The following VWF variants were observed in gnomAD, a reference collection of about 807,000 sequenced individuals.
The protein encoded by VWF is von Willebrand factor.
VWF carries 176 observed loss-of-function variants against 308.6 expected under a neutral mutation model. The observed-to-expected ratio is 0.57, with a 90% CI of 0.50 to 0.65. The LOEUF is 0.65. Ranked by LOEUF, VWF falls within the 30% of genes least tolerant of loss-of-function variation. VWF has a pLI of 0.00. For missense variants in VWF, 3,146 were observed against 3,648.2 expected (o/e 0.86, Z 3.55); for synonymous variants, 1,385 against 1,443.4 (o/e 0.96, Z 0.92).
chr12:6,061,131 G>A lies in VWF; in HGVS notation c.1533+1823C>T, dbSNP rs1223989412. On this transcript the variant is annotated intron_variant, in intron 13 of 51. Coordinates refer to ENST00000261405, the MANE Select transcript of VWF (RefSeq NM_000552.5). ...CAGGAGAATCGCTTCAGCCTGGAAGGCGGAGGTTGTGGTGAGCCAAGATCG... is the reference window on the plus strand; with the variant it reads ...CAGGAGAATCGCTTCAGCCTGGAAGACGGAGGTTGTGGTGAGCCAAGATCG... Among the ~76,000 whole-genome samples the A allele has an allele frequency of 3.9e-5, 6 of 152,278 alleles. No homozygotes were observed. The East Asian group carries it at 7.7e-4, about 20-fold the overall frequency.
intron 47 of VWF, among the ~76,000 whole-genome samples, chr12:5,964,208 C>T (rs1167393399): frequency 3.4e-5 from 4 of 116,562 alleles, no homozygotes; most frequent in African/African-American, 1.6e-4. Context: ...CAGAGAGAGA[C>T]TCTGTCTAAA....
At chr12:6,034,878 G>T (rs765410707) in intron 19 of VWF, 52 bp from the exon 20 acceptor site, 33 of 1,606,590 alleles carry the variant, frequency 2.1e-5, no homozygotes, top group African/African-American at 1.3e-5. Flanking sequence ...GGTTTGAGGG[G>T]CCCATCTGGG....
At chr12:6,012,986 C>T (rs1944016061) in intron 32 of VWF, among the ~76,000 whole-genome samples, 1 of 152,144 alleles carries the variant, frequency 6.6e-6, no homozygotes. Flanking sequence ...CAGACGTGAG[C>T]CACTGCACCT....
At chr12:5,967,652 C>G (rs563511658) in intron 46 of VWF, 50 bp from the exon 47 acceptor site, 17 of 1,508,066 alleles carry the variant, frequency 1.1e-5, no homozygotes, top group Middle Eastern at 1.9e-4. Flanking sequence ...CCCAACCCCC[C>G]ACTCACCTCA....
intron 6 of VWF, 104 bp downstream of exon 6, chr12:6,095,356 G>A: frequency 1.3e-6 from 2 of 1,575,100 alleles, no homozygotes; most frequent in Non-Finnish European, 1.7e-6. Context: ...CCCTGCGTAA[G>A]TCCATTCCTC....
chr12:6,039,664 T>C (rs1485003975), intron 18 of VWF, among the ~76,000 whole-genome samples: 2 of 152,216 alleles, frequency 1.3e-5, no homozygotes, highest in African/African-American at 4.8e-5. Context: ...TGACAAATCA[T>C]GGACCATGTA....
chr12:5,981,811 G>T lies in VWF; in HGVS notation c.7262C>A (p.Thr2421Asn). 3.1e-6 allele frequency: 5 copies of T among 1,614,134 alleles called. No individual in the cohort carries two copies. Among genetic ancestry groups the T allele is most frequent in the Non-Finnish European group, 4.2e-6 (5 of 1,180,022 alleles). Residue 2421 changes from threonine (T) to asparagine (N), a missense_variant, in exon 42 of 52, where the codon ACC (threonine) becomes AAC (asparagine). Around this residue, in one of 3 missense-constraint regions of VWF, gnomAD observed 989 missense variants for 1,117.4 expected, o/e 0.89. Coordinates refer to ENST00000261405, the MANE Select transcript of VWF (RefSeq NM_000552.5). ...CTTGTCGGGAAGGCAGGTGGTTGTG[G>T]TACAGCCACAGTCATTGGTGGCAGT... ...ASTATNDCGCTTTTCLPDKVC... is the reference protein window; with the variant it reads ...ASTATNDCGCNTTTCLPDKVC...
At chr12:5,986,268 T>C (rs1308877135) in intron 38 of VWF, among the ~76,000 whole-genome samples, 1 of 152,166 alleles carries the variant, frequency 6.6e-6, no homozygotes, top group African/African-American at 2.4e-5. Context: ...CATTCCGCTG[T>C]GCCTCAGTTT....
chr12:6,080,883 C>T (rs1483175975), intron 6 of VWF, among the ~76,000 whole-genome samples: 1 of 152,184 alleles, frequency 6.6e-6, no homozygotes, highest in African/African-American at 2.4e-5. Context: ...TAGGTTATGC[C>T]CTCCATGGCT....
At chr12:5,964,429 C>T (rs904420874) in intron 47 of VWF, among the ~76,000 whole-genome samples, 3 of 152,180 alleles carry the variant, frequency 2.0e-5, no homozygotes, top group African/African-American at 4.8e-5. Flanking sequence ...ACAGAAAGAA[C>T]GTAATCACAT....
At position 5,952,521 on chromosome 12, in the gene VWF, T is replaced by G; in HGVS notation, c.7987-2A>C. ...GCCATCCTGGAGCGTCTCATCACGC[T>G]GGAAGGAAAGAGGAGTGGGTAAAGT... On this transcript the variant is annotated splice_acceptor_variant, in intron 48 of 51. Transcript: ENST00000261405. LOFTEE classifies it high-confidence loss of function. 1.2e-6 allele frequency: 2 copies of G among 1,613,600 alleles called. No individual in the cohort carries two copies. Among genetic ancestry groups the G allele is most frequent in the Non-Finnish European group, 1.7e-6 (2 of 1,179,686 alleles).
intron 35 of VWF, 62 bp from the exon 36 acceptor site, chr12:5,994,669 G>A: frequency 2.6e-6 from 4 of 1,523,510 alleles, no homozygotes; most frequent in Admixed American, 1.7e-5. Flanking sequence ...GGTTTTTAGG[G>A]AAGTTACCGA....
chr12:6,012,169 C>G, intron 32 of VWF, 39 bp from the exon 33 acceptor site: 1 of 1,612,144 alleles, frequency 6.2e-7, no homozygotes, highest in Non-Finnish European at 8.5e-7. Context: ...TCCCATCTTT[C>G]ACCCAGAAAT....
chr12:6,103,138 C>A (rs1372210231), intron 5 of VWF, among the ~76,000 whole-genome samples: 1 of 152,010 alleles, frequency 6.6e-6, no homozygotes, highest in Non-Finnish European at 1.5e-5. Context: ...CCATCCCTGG[C>A]TAACACGGTG....
At chr12:6,000,801 G>A (rs1255913334) in intron 34 of VWF, among the ~76,000 whole-genome samples, 2 of 103,430 alleles carry the variant, frequency 1.9e-5, no homozygotes, top group Non-Finnish European at 3.5e-5. Flanking sequence ...CACAGAGCGA[G>A]ACTCTGTCTC....
At chr12:5,992,091 A>G (rs1943752034) in intron 37 of VWF, 73 bp from the exon 38 acceptor site, 1 of 1,426,454 alleles carries the variant, frequency 7.0e-7, no homozygotes, top group African/African-American at 1.4e-5. Flanking sequence ...CTGATTCAAC[A>G]TGGTTAATCA....
intron 8 of VWF, 140 bp from the exon 9 acceptor site, chr12:6,072,582 A>T (rs1288274928): frequency 1.4e-6 from 1 of 721,484 alleles, no homozygotes. Context: ...TATCTTTCAC[A>T]TAATGCAATA....
chr12:6,008,755 A>G (rs1335791415), intron 34 of VWF, among the ~76,000 whole-genome samples: 1 of 152,236 alleles, frequency 6.6e-6, no homozygotes, highest in Admixed American at 6.5e-5. Flanking sequence ...GATCATATGC[A>G]TAGAAAACTC....
At chr12:5,949,656 T>C (rs1943156647) in intron 51 of VWF, 130 bp downstream of exon 51, 2 of 981,648 alleles carry the variant, frequency 2.0e-6, no homozygotes. Flanking sequence ...TAAAAAAAAA[T>C]GCTTCCAGTT....
Sources: gnomAD v4.1 joint callset for allele counts (sites outside exome capture counted in the v4.1 genomes callset) on GRCh38, gnomAD v4.1.1 for gene constraint, gnomAD v4.1.1 regional missense constraint, MANE v1.5 for transcripts, NCBI Gene and HGNC (gene_info 2026-07-23, HGNC 2026-07-21) for gene names.